NPSR1: variants seen among roughly 807,000 people sequenced by gnomAD.
The protein encoded by NPSR1 is neuropeptide S receptor.
Under a neutral mutation model 46.9 loss-of-function variants are expected in NPSR1, and 48 were observed. The observed-to-expected ratio is 1.02, with a 90% CI of 0.81 to 1.30. NPSR1 has a LOEUF of 1.30. Among genes scored for constraint, NPSR1 ranks in the 50% most tolerant of loss-of-function variants. The pLI is 0.00. For synonymous variants in NPSR1, 176 were observed against 168.1 expected (o/e 1.05, Z -0.36); for missense variants, 450 against 449.5 (o/e 1.00, Z -0.01).
At chr7:34,677,109 T>C (rs1792357408) in intron 1 of NPSR1, among the ~76,000 whole-genome samples, 1 of 152,290 alleles carries the variant, frequency 6.6e-6, no homozygotes, top group African/African-American at 2.4e-5. Flanking sequence ...TGATATGCAG[T>C]GTTTGTCACT....
chr7:34,866,796 T>A (rs1378844843), intron 8 of NPSR1, among the ~76,000 whole-genome samples: 1 of 151,742 alleles, frequency 6.6e-6, no homozygotes, highest in Non-Finnish European at 1.5e-5. Flanking sequence ...TTTAGGTTAC[T>A]ATGAGATTTG....
intron 8 of NPSR1, among the ~76,000 whole-genome samples, chr7:34,868,890 A>C (rs1274187031): frequency 2.0e-5 from 3 of 151,618 alleles, no homozygotes; most frequent in Admixed American, 6.6e-5. Context: ...CAAAGGCCTG[A>C]ATCAGGGTGG....
chr7:34,676,173 A>G (rs1280295791), intron 1 of NPSR1, among the ~76,000 whole-genome samples: 3 of 152,170 alleles, frequency 2.0e-5, no homozygotes, highest in African/African-American at 2.4e-5. Context: ...TAGTCCACAA[A>G]CCTAAGGGAG....
chr7:34,739,455 CTG>C (rs1333880122), intron 2 of NPSR1, among the ~76,000 whole-genome samples: 1 of 152,130 alleles, frequency 6.6e-6, no homozygotes, highest in East Asian at 1.9e-4. Flanking sequence ...AATGGTATCT[CTG>C]TGGTTTTGGT....
At chr7:34,747,960 A>G (rs1001150683) in intron 2 of NPSR1, among the ~76,000 whole-genome samples, 1 of 152,142 alleles carries the variant, frequency 6.6e-6, no homozygotes, top group African/African-American at 2.4e-5. Context: ...CCGTATCACA[A>G]ATGAGGCTCA....
At chr7:34,743,109 C>T (rs1476726023) in intron 2 of NPSR1, among the ~76,000 whole-genome samples, 1 of 152,106 alleles carries the variant, frequency 6.6e-6, no homozygotes, top group Non-Finnish European at 1.5e-5. Flanking sequence ...TGTCTTTTTA[C>T]TCTGTTGATA....
intron 1 of NPSR1, among the ~76,000 whole-genome samples, chr7:34,670,220 G>A (rs1231114917): frequency 1.3e-5 from 2 of 152,220 alleles, no homozygotes; most frequent in South Asian, 2.1e-4. Context: ...ATTAATAAAT[G>A]TATATCCACA....
At position 34,801,806 on chromosome 7, in the gene NPSR1, A is replaced by T. The variant is rs1052435641; in HGVS notation, c.385-9964A>T. On this transcript the variant is annotated intron_variant, in intron 3 of 8. Coordinates refer to ENST00000360581, the MANE Select transcript of NPSR1 (RefSeq NM_207172.2). ...CCCTGTTTGCAGATGACATGATTGT[A>T]TATCTAGCCCCATCATCTCAGCCCC... Among the ~76,000 whole-genome samples, 18 of 148,860 alleles carry T rather than the reference A, an allele frequency of 1.2e-4. 2 individuals are homozygous for T. The highest frequency in any genetic ancestry group is 4.4e-4 in the African/African-American group (17 of 38,580).
intron 4 of NPSR1, among the ~76,000 whole-genome samples, chr7:34,818,177 T>C (rs1475750923): frequency 2.0e-5 from 3 of 151,820 alleles, no homozygotes; most frequent in African/African-American, 7.2e-5. Flanking sequence ...CCCCATTGTC[T>C]CAGCCCAAAA....
At chr7:34,730,577 A>C (rs905433704) in intron 2 of NPSR1, among the ~76,000 whole-genome samples, 2 of 152,198 alleles carry the variant, frequency 1.3e-5, no homozygotes, top group African/African-American at 4.8e-5. Flanking sequence ...ATGTGTAAAA[A>C]TTTGAGCGTG....
At chr7:34,840,457 T>C (rs2128762261) in intron 6 of NPSR1, among the ~76,000 whole-genome samples, 1 of 150,552 alleles carries the variant, frequency 6.6e-6, no homozygotes, top group East Asian at 2.0e-4. Context: ...TGCTGCAAGC[T>C]CCTGGAATAG....
intron 7 of NPSR1, among the ~76,000 whole-genome samples, chr7:34,847,660 C>T (rs1172690476): frequency 6.6e-6 from 1 of 152,200 alleles, no homozygotes; most frequent in Non-Finnish European, 1.5e-5. Context: ...TCTTACTTAA[C>T]CTTTTTCTAT....
intron 4 of NPSR1, among the ~76,000 whole-genome samples, chr7:34,822,129 TACTC>T (rs1437876522): frequency 2.0e-5 from 3 of 152,152 alleles, no homozygotes; most frequent in Non-Finnish European, 4.4e-5. Context: ...GATGAACTGA[TACTC>T]ACAAGTTTAT....
chr7:34,737,003 C>G (rs1216060174), intron 2 of NPSR1, among the ~76,000 whole-genome samples: 1 of 131,830 alleles, frequency 7.6e-6, no homozygotes, highest in Non-Finnish European at 1.7e-5. Context: ...TACTTTCTCT[C>G]TCTTCTAACT....
intron 2 of NPSR1, chr7:34,761,179 G>A (rs182133272): frequency 6.5e-6 from 1 of 152,818 alleles, no homozygotes; most frequent in East Asian, 1.9e-4. Context: ...AAAAATCTGG[G>A]GAGAAGTCAC....
intron 4 of NPSR1, among the ~76,000 whole-genome samples, chr7:34,816,028 C>T (rs1358627567): frequency 6.6e-6 from 1 of 152,126 alleles, no homozygotes; most frequent in Non-Finnish European, 1.5e-5. Context: ...AAATAACCAG[C>T]TAACATCATA....
At chr7:34,660,279 T>G in intron 1 of NPSR1, 1 of 449,182 alleles carries the variant, frequency 2.2e-6, no homozygotes, top group Non-Finnish European at 4.5e-6. Context: ...ATTCATTATT[T>G]GAGAGATACG....
rs62464144 is a variant in NPSR1 at position 34,670,229 on chromosome 7, C to T, written c.147+11670C>T. Among the ~76,000 whole-genome samples, 1,364 of 152,174 alleles carry T rather than the reference C, an allele frequency of 9.0e-3. 12 individuals are homozygous for T. The highest frequency in any genetic ancestry group is 0.031 in the Middle Eastern group (9 of 292). On this transcript the variant is annotated intron_variant, in intron 1 of 8. Transcript: ENST00000360581. ...TTAGTTATTAATAAATGTATATCCA[C>T]AGTAAGCAAAACATTACAGAACTAG...
At chr7:34,877,260 G>C (rs1351438712) in intron 8 of NPSR1, among the ~76,000 whole-genome samples, 3 of 152,130 alleles carry the variant, frequency 2.0e-5, no homozygotes, top group African/African-American at 7.2e-5. Context: ...ATGCATGGGG[G>C]TGTGGGGGTG....
Sources: gnomAD v4.1 joint callset for allele counts (sites outside exome capture counted in the v4.1 genomes callset) on GRCh38, gnomAD v4.1.1 for gene constraint, MANE v1.5 for transcripts, NCBI Gene and HGNC (gene_info 2026-07-23, HGNC 2026-07-21) for gene names.